The following ZNF407 variants were observed in gnomAD, a reference collection of about 807,000 sequenced individuals.
ZNF407 encodes the protein zinc finger protein 407.
ZNF407 carries 17 observed loss-of-function variants against 131.2 expected under a neutral mutation model. That is an observed-to-expected ratio of 0.13 (90% CI 0.09 to 0.19). The LOEUF (loss-of-function observed/expected upper bound fraction) is 0.19, where lower values mean the gene tolerates loss of function less well. Among genes scored for constraint, ZNF407 ranks in the 10% least tolerant of loss-of-function variants. The pLI is 1.00. For missense variants in ZNF407, 2,681 were observed against 2,830.6 expected (o/e 0.95, Z 1.20); for synonymous variants, 1,156 against 1,062.0 (o/e 1.09, Z -1.72).
chr18:74,701,064 TCTC>T (rs1046345855), intron 3 of ZNF407, among the ~76,000 whole-genome samples: 1 of 152,098 alleles, frequency 6.6e-6, no homozygotes, highest in Non-Finnish European at 1.5e-5. Flanking sequence ...CAGCTGTCTC[TCTC>T]CTCCTCCGCA....
chr18:74,601,881 A>T (rs969006152), intron 1 of ZNF407, among the ~76,000 whole-genome samples: 6 of 152,222 alleles, frequency 3.9e-5, no homozygotes, highest in African/African-American at 1.4e-4. Context: ...ATATTGTGGA[A>T]TTTAATGGAG....
intron 4 of ZNF407, among the ~76,000 whole-genome samples, chr18:74,791,997 A>G (rs479176): frequency 0.015 from 2,345 of 152,266 alleles, 69 homozygotes; most frequent in African/African-American, 0.052. Context: ...GGAGCTTTAT[A>G]TGGCACTGCC....
chr18:74,752,896 T>C (rs982811950), intron 3 of ZNF407, among the ~76,000 whole-genome samples: 14 of 152,220 alleles, frequency 9.2e-5, no homozygotes, highest in Admixed American at 3.9e-4. Context: ...AAGTAGTTTT[T>C]TCCAATTCTG....
At chr18:74,901,485 A>C (rs1971524154) in intron 7 of ZNF407, among the ~76,000 whole-genome samples, 1 of 152,172 alleles carries the variant, frequency 6.6e-6, no homozygotes, top group African/African-American at 2.4e-5. Flanking sequence ...CATCGGTGAC[A>C]ATGTTTTGTT....
At chr18:74,821,755 G>A (rs573826718) in intron 4 of ZNF407, among the ~76,000 whole-genome samples, 54 of 152,246 alleles carry the variant, frequency 3.5e-4, no homozygotes, top group African/African-American at 1.3e-3. Flanking sequence ...CTTTATAGTA[G>A]AATGATTTAT....
At chr18:74,666,035 C>G (rs1206806570) in intron 3 of ZNF407, among the ~76,000 whole-genome samples, 1 of 152,152 alleles carries the variant, frequency 6.6e-6, no homozygotes, top group Non-Finnish European at 1.5e-5. Context: ...CCTGGCTTGC[C>G]TGAGAATGGA....
At chr18:74,934,119 G>T (rs188887141) in intron 8 of ZNF407, among the ~76,000 whole-genome samples, 30 of 152,204 alleles carry the variant, frequency 2.0e-4, no homozygotes, top group Non-Finnish European at 4.3e-4. Context: ...CGTTTGTTGA[G>T]TAGCATGTCA....
intron 3 of ZNF407, among the ~76,000 whole-genome samples, chr18:74,728,613 C>T (rs943209151): frequency 6.6e-6 from 1 of 152,174 alleles, no homozygotes; most frequent in Non-Finnish European, 1.5e-5. Flanking sequence ...CCACCTACCT[C>T]CACCGAGGGA....
chr18:75,060,248 A>G (rs1973610249), intron 8 of ZNF407: 1 of 152,244 alleles, frequency 6.6e-6, no homozygotes, highest in African/African-American at 2.4e-5. Flanking sequence ...CGCTATAATT[A>G]GGGAATTTGT....
At chr18:74,860,545 A>G (rs1047386391) in intron 4 of ZNF407, among the ~76,000 whole-genome samples, 13 of 151,086 alleles carry the variant, frequency 8.6e-5, no homozygotes, top group African/African-American at 1.9e-4. Flanking sequence ...GAAATCGTCT[A>G]TTTTCAGCAA....
intron 8 of ZNF407, among the ~76,000 whole-genome samples, chr18:75,058,087 A>G (rs986083959): frequency 6.6e-6 from 1 of 152,214 alleles, no homozygotes; most frequent in Admixed American, 6.5e-5. Context: ...CACACCAGCC[A>G]GCAGAACTGA....
chr18:74,722,662 C>T (rs1296077415), intron 3 of ZNF407, among the ~76,000 whole-genome samples: 4 of 152,184 alleles, frequency 2.6e-5, no homozygotes, highest in African/African-American at 7.2e-5. Flanking sequence ...ACTGTAACAT[C>T]CCAGGCAGGC....
chr18:74,821,904 C>G (rs1030595936), intron 4 of ZNF407, among the ~76,000 whole-genome samples: 3 of 152,192 alleles, frequency 2.0e-5, no homozygotes, highest in African/African-American at 7.2e-5. Flanking sequence ...AAAAGCATTC[C>G]TATTTCTTCA....
chr18:74,819,616 G>A (rs1485565842), intron 4 of ZNF407, among the ~76,000 whole-genome samples: 5 of 152,140 alleles, frequency 3.3e-5, no homozygotes, highest in African/African-American at 4.8e-5. Flanking sequence ...TTCCTAGGAC[G>A]GGACCTGTGC....
intron 8 of ZNF407, among the ~76,000 whole-genome samples, chr18:74,922,574 GTATTT>G (rs1971860248): frequency 6.6e-6 from 1 of 152,192 alleles, no homozygotes; most frequent in Non-Finnish European, 1.5e-5. Flanking sequence ...TTAAAGTGAG[GTATTT>G]TATTTTTTAT....
intron 7 of ZNF407, among the ~76,000 whole-genome samples, chr18:74,891,974 C>T (rs1971391221): frequency 6.6e-6 from 1 of 152,062 alleles, no homozygotes; most frequent in African/African-American, 2.4e-5. Flanking sequence ...TCCTATATAA[C>T]TACTTTGTAG....
chr18:74,623,260 G>C (rs1212995947), intron 1 of ZNF407, among the ~76,000 whole-genome samples: 1 of 152,032 alleles, frequency 6.6e-6, no homozygotes, highest in Non-Finnish European at 1.5e-5. Flanking sequence ...ATGTGAGTGT[G>C]TGTGTGCATG....
At chr18:74,702,200 C>G (rs1341570097) in intron 3 of ZNF407, among the ~76,000 whole-genome samples, 1 of 152,020 alleles carries the variant, frequency 6.6e-6, no homozygotes, top group Non-Finnish European at 1.5e-5. Flanking sequence ...CTGATAATGA[C>G]AGTAGCTCAC....
intron 4 of ZNF407, among the ~76,000 whole-genome samples, chr18:74,831,722 C>T (rs924168189): frequency 3.9e-5 from 6 of 152,144 alleles, no homozygotes; most frequent in South Asian, 2.1e-4. Context: ...CCTCCCCATC[C>T]GTCGATGCCA....
Sources: allele counts gnomAD v4.1 joint callset (sites outside exome capture counted in the v4.1 genomes callset), GRCh38; gene constraint gnomAD v4.1.1; transcripts MANE v1.5; gene names NCBI Gene and HGNC (gene_info 2026-07-23, HGNC 2026-07-21).